Variants in SLC44A5 observed in about 807,000 individuals in gnomAD.
SLC44A5 encodes the protein choline transporter-like protein 5.
A neutral mutation model predicts 101.8 loss-of-function variants in SLC44A5; 57 were observed. The observed-to-expected ratio is 0.56, with a 90% confidence interval of 0.45 to 0.70. SLC44A5 has a LOEUF of 0.70. SLC44A5 is among the 30% of genes least tolerant of loss of function. The pLI is 0.00. For missense variants in SLC44A5, 737 were observed against 853.1 expected (o/e 0.86, Z 1.70); for synonymous variants, 281 against 290.9 (o/e 0.97, Z 0.35).
At chr1:75,566,204 A>C (rs1410256960) in intron 1 of SLC44A5, among the ~76,000 whole-genome samples, 1 of 152,194 alleles carries the variant, frequency 6.6e-6, no homozygotes, top group Non-Finnish European at 1.5e-5. Context: ...TAAAAAGAAG[A>C]CAAATTATTC....
intron 1 of SLC44A5, among the ~76,000 whole-genome samples, chr1:75,607,780 TC>T (rs542946327): frequency 1.9e-3 from 288 of 152,158 alleles, no homozygotes; most frequent in African/African-American, 6.7e-3. Context: ...ACTTTGTTCC[TC>T]ATTCACCTTC....
rs555010001 is a variant in SLC44A5 at position 75,577,616 on chromosome 1, G to A, written c.-70+33424C>T. 9.2e-5 allele frequency among the ~76,000 whole-genome samples: 14 copies of A among 152,104 alleles called. No homozygotes were observed. In the South Asian group the frequency reaches 1.9e-3, roughly 20 times the overall value. On this transcript the variant is annotated intron_variant, in intron 1 of 23. Transcript: ENST00000370859. ...TCATACATCATACTCCCCTTCTTCC[G>A]TTTATGCCTTTATTTCCCCTCATAA...
At chr1:75,499,536 A>G (rs1031469461) in intron 2 of SLC44A5, among the ~76,000 whole-genome samples, 2 of 152,216 alleles carry the variant, frequency 1.3e-5, no homozygotes, top group African/African-American at 4.8e-5. Flanking sequence ...GTGTTCACCC[A>G]ATTATGAAGT....
chr1:75,558,030 A>T (rs1672314300), intron 1 of SLC44A5, among the ~76,000 whole-genome samples: 1 of 152,164 alleles, frequency 6.6e-6, no homozygotes, highest in African/African-American at 2.4e-5. Flanking sequence ...GTTCAGAAAT[A>T]AAGCATAGTA....
Position 75,551,957 on chromosome 1 carries a change from T to A in SLC44A5, c.-69-10441A>T, listed in dbSNP as rs527670473. 4.6e-5 allele frequency among the ~76,000 whole-genome samples: 7 copies of A among 152,258 alleles called. No individual in the cohort carries two copies. The South Asian group carries it at 1.5e-3, about 32-fold the overall frequency. On this transcript the variant is annotated intron_variant, in intron 1 of 23. Coordinates refer to ENST00000370859, the MANE Select transcript of SLC44A5 (RefSeq NM_001130058.2). Reference sequence around the variant, plus strand: ...ACTTTTTGTGCTCCATCTCAGTCAATCCCTAATTTTCCTTTCTCTGAAAAA... The same window carrying A: ...ACTTTTTGTGCTCCATCTCAGTCAAACCCTAATTTTCCTTTCTCTGAAAAA...
At chr1:75,712,388 A>G in the SLC44A5 span, among the ~76,000 whole-genome samples, 2 of 152,222 alleles carry the variant, frequency 1.3e-5, no homozygotes, top group Non-Finnish European at 1.5e-5. Context: ...TCAAATGTAA[A>G]AGAAAGAAGT....
Position 75,462,095 on chromosome 1 carries a change from C to G in SLC44A5, c.14-65474G>C, listed in dbSNP as rs1168466453. 5.9e-5 allele frequency among the ~76,000 whole-genome samples: 9 copies of G among 152,246 alleles called. No individual in the cohort carries two copies. In the East Asian group the frequency reaches 1.7e-3, roughly 29 times the overall value. ...GCCTTGGGCAAGACCCAGTGCTGTGCTGGCTTCAGGTCTGACCCAGGACAT... is the reference window on the plus strand; with the variant it reads ...GCCTTGGGCAAGACCCAGTGCTGTGGTGGCTTCAGGTCTGACCCAGGACAT... On this transcript the variant is annotated intron_variant, in intron 2 of 23. Transcript: ENST00000370859.
chr1:75,679,864 AC>A, the SLC44A5 span, among the ~76,000 whole-genome samples: 1 of 152,152 alleles, frequency 6.6e-6, no homozygotes, highest in Admixed American at 6.5e-5. Context: ...TATTCAGGAA[AC>A]CCATCTCACG....
At chr1:75,275,070 C>T in intron 5 of SLC44A5, 28 bp from the exon 6 acceptor site, 1 of 1,590,630 alleles carries the variant, frequency 6.3e-7, no homozygotes, top group Middle Eastern at 1.7e-4. Context: ...GACAAATATG[C>T]TATCAGCAAA....
At chr1:75,336,535 C>T (rs546183038) in intron 4 of SLC44A5, among the ~76,000 whole-genome samples, 6 of 152,216 alleles carry the variant, frequency 3.9e-5, no homozygotes, top group African/African-American at 2.4e-5. Flanking sequence ...GGATAGTTTA[C>T]GTATTTAAAA....
At chr1:75,276,965 G>C (rs1651973583) in intron 5 of SLC44A5, among the ~76,000 whole-genome samples, 1 of 152,122 alleles carries the variant, frequency 6.6e-6, no homozygotes, top group African/African-American at 2.4e-5. Flanking sequence ...GTGGGTCAAG[G>C]GGAAGCAGGG....
intron 4 of SLC44A5, among the ~76,000 whole-genome samples, chr1:75,318,344 T>C (rs1438007118): frequency 6.7e-6 from 1 of 149,700 alleles, no homozygotes; most frequent in Non-Finnish European, 1.5e-5. Flanking sequence ...GCCATTGCAC[T>C]CCAGCCTGGG....
chr1:75,564,216 C>A (rs528410589), intron 1 of SLC44A5, among the ~76,000 whole-genome samples: 1 of 152,134 alleles, frequency 6.6e-6, no homozygotes, highest in South Asian at 2.1e-4. Flanking sequence ...TGTGCTAAAC[C>A]CAAAGAAGCA....
intron 2 of SLC44A5, among the ~76,000 whole-genome samples, chr1:75,453,807 T>C (rs1666035885): frequency 6.6e-6 from 1 of 152,030 alleles, no homozygotes; most frequent in Admixed American, 6.6e-5. Flanking sequence ...AGAGGAAATG[T>C]ATAAATGCCT....
chr1:75,585,322 A>C (rs1221570448), intron 1 of SLC44A5, among the ~76,000 whole-genome samples: 2 of 152,262 alleles, frequency 1.3e-5, no homozygotes, highest in Non-Finnish European at 2.9e-5. Context: ...AGACTCATTA[A>C]TCATCCAATG....
chr1:75,689,118 T>G, the SLC44A5 span, among the ~76,000 whole-genome samples: 1 of 152,208 alleles, frequency 6.6e-6, no homozygotes, highest in Non-Finnish European at 1.5e-5. Context: ...TGGATGGTAC[T>G]GCCTCAGAGC....
At chr1:75,676,658 A>G in the SLC44A5 span, among the ~76,000 whole-genome samples, 7 of 152,220 alleles carry the variant, frequency 4.6e-5, no homozygotes, top group African/African-American at 1.7e-4. Flanking sequence ...TTACTTAGGT[A>G]ACAAACCTGC....
intron 2 of SLC44A5, among the ~76,000 whole-genome samples, chr1:75,525,712 G>T (rs1670370560): frequency 6.6e-6 from 1 of 152,132 alleles, no homozygotes; most frequent in Non-Finnish European, 1.5e-5. Flanking sequence ...ATTATCATGT[G>T]TGTGGGTATA....
At chr1:75,597,892 T>A (rs746801694) in intron 1 of SLC44A5, among the ~76,000 whole-genome samples, 12 of 152,108 alleles carry the variant, frequency 7.9e-5, no homozygotes, top group Non-Finnish European at 1.2e-4. Context: ...AAAGATTTCA[T>A]GATGAAGTTG....
Sources: gnomAD v4.1 joint callset for allele counts (sites outside exome capture counted in the v4.1 genomes callset) on GRCh38, gnomAD v4.1.1 for gene constraint, MANE v1.5 for transcripts, NCBI Gene and HGNC (gene_info 2026-07-23, HGNC 2026-07-21) for gene names.